The following SLC39A12 variants were observed in gnomAD, a reference collection of about 807,000 sequenced individuals.
The protein encoded by SLC39A12 is zinc transporter ZIP12.
Under a neutral mutation model 71.1 loss-of-function variants are expected in SLC39A12, and 63 were observed. The observed-to-expected ratio is 0.89, with a 90% confidence interval of 0.72 to 1.09. The LOEUF is 1.09. Ranked by LOEUF, SLC39A12 falls within the 50% of genes least tolerant of loss-of-function variation. The probability of loss-of-function intolerance (pLI) is 0.00; values close to 1 mark genes in which losing one functional copy is unlikely to be tolerated. For missense variants in SLC39A12, 892 were observed against 812.6 expected (o/e 1.10, Z -1.19); for synonymous variants, 351 against 301.3 (o/e 1.16, Z -1.71).
intron 12 of SLC39A12, among the ~76,000 whole-genome samples, chr10:18,019,627 A>G (rs11492528): frequency 1.3e-5 from 2 of 151,694 alleles, no homozygotes; most frequent in African/African-American, 4.8e-5. Context: ...TTCATTCGAA[A>G]CTTTTTTAGT....
chr10:17,972,431 G>T (rs1293968908), intron 4 of SLC39A12, among the ~76,000 whole-genome samples: 1 of 152,142 alleles, frequency 6.6e-6, no homozygotes, highest in African/African-American at 2.4e-5. Flanking sequence ...TGACAGTGGG[G>T]TGTTGAAGTC....
chr10:17,986,905 T>TAC (rs1433842521), intron 6 of SLC39A12, among the ~76,000 whole-genome samples: 2 of 152,132 alleles, frequency 1.3e-5, no homozygotes, highest in Non-Finnish European at 2.9e-5. Flanking sequence ...CTCGAGGGTC[T>TAC]GATGTGGGAA....
Position 17,989,693 on chromosome 10 carries a change from C to A in SLC39A12, c.1270-1458C>A, listed in dbSNP as rs565401871. Among the ~76,000 whole-genome samples the A allele has an allele frequency of 2.0e-5, 3 of 152,086 alleles. No individual in the cohort carries two copies. The South Asian group carries it at 6.2e-4, about 32-fold the overall frequency. ...CAGCACTTTGGGAGGGCAAGACAGG[C>A]GGATCACCTGAGGTCAGGAGTTTGA... is the stretch of plus-strand genomic sequence containing the variant. On this transcript the variant is annotated intron_variant, in intron 7 of 12. Coordinates refer to ENST00000377369, the MANE Select transcript of SLC39A12 (RefSeq NM_001145195.2).
intron 12 of SLC39A12, among the ~76,000 whole-genome samples, chr10:18,027,103 G>A (rs987240423): frequency 6.6e-6 from 1 of 152,178 alleles, no homozygotes; most frequent in Non-Finnish European, 1.5e-5. Flanking sequence ...TGTACTGAGT[G>A]AACAGAATTG....
intron 10 of SLC39A12, among the ~76,000 whole-genome samples, chr10:17,997,579 C>T (rs541940018): frequency 2.6e-5 from 4 of 152,156 alleles, no homozygotes; most frequent in East Asian, 1.9e-4. Flanking sequence ...TAGGGAGTAA[C>T]GATGGTCTTC....
At chr10:17,998,316 A>G (rs1392870714) in intron 10 of SLC39A12, among the ~76,000 whole-genome samples, 1 of 152,244 alleles carries the variant, frequency 6.6e-6, no homozygotes, top group African/African-American at 2.4e-5. Flanking sequence ...ATTGGCTAAA[A>G]ATCCTCCTTT....
chr10:17,961,509 TG>T, intron 2 of SLC39A12, 71 bp from the exon 3 acceptor site: 1 of 1,402,238 alleles, frequency 7.1e-7, no homozygotes, highest in Non-Finnish European at 9.7e-7. Flanking sequence ...AAGACCCTGG[TG>T]GTCATTAGTG....
Position 17,991,262 on chromosome 10 carries a change from A to T in SLC39A12, c.1381A>T (p.Ile461Leu). ...LIGGIHGFFL[I>L]EKCFILLVSP... ...TGGAGGCATCCATGGATTTTTCTTG[A>T]TAGAAAAATGTTTTATTCTTCTTGT... Residue 461 changes from isoleucine (I) to leucine (L), a missense_variant, in exon 8 of 13, where the codon ATA (isoleucine) becomes TTA (leucine). Physicochemically the swap from Ile to Leu is conservative, Grantham distance 5. Transcript: ENST00000377369. The T allele has an allele frequency of 1.9e-6, 3 of 1,598,386 alleles. No individual in the cohort carries two copies. The highest frequency in any genetic ancestry group is 2.6e-6 in the Non-Finnish European group (3 of 1,174,938).
At chr10:17,973,251 TC>T (rs1342858759) in intron 4 of SLC39A12, among the ~76,000 whole-genome samples, 1 of 152,180 alleles carries the variant, frequency 6.6e-6, no homozygotes, top group Non-Finnish European at 1.5e-5. Flanking sequence ...TATTTAGTCT[TC>T]CTACTTAGGA....
At chr10:17,989,574 A>G (rs927101970) in intron 7 of SLC39A12, among the ~76,000 whole-genome samples, 3 of 151,078 alleles carry the variant, frequency 2.0e-5, no homozygotes, top group Non-Finnish European at 4.4e-5. Context: ...AGAACTTCAG[A>G]GATTAGCTGG....
intron 2 of SLC39A12, among the ~76,000 whole-genome samples, chr10:17,959,902 G>A (rs1348567330): frequency 2.6e-5 from 4 of 152,182 alleles, no homozygotes; most frequent in African/African-American, 9.7e-5. Context: ...AAATTCTGTA[G>A]CTGGGGCTTG....
rs939178006 is a variant in SLC39A12 at position 18,043,050 on chromosome 10, A to G, written c.*217A>G. On this transcript the variant is annotated 3_prime_UTR_variant, in exon 13 of 13. Coordinates refer to ENST00000377369, the MANE Select transcript of SLC39A12 (RefSeq NM_001145195.2). Reference sequence around the variant, plus strand: ...ATTGAAATTTTGTCTTTGGTTTCCAACACCATGATGAAGCTCTTGCTTTTT... The same window carrying G: ...ATTGAAATTTTGTCTTTGGTTTCCAGCACCATGATGAAGCTCTTGCTTTTT... 14 of 276,982 alleles carry G rather than the reference A, an allele frequency of 5.1e-5. No homozygotes were observed. The highest frequency in any genetic ancestry group is 2.9e-4 in the African/African-American group (13 of 45,332). The allele number at this position is 276,982 out of a possible 1,614,324, so 17.2% of individuals were successfully genotyped here.
At chr10:17,955,199 C>A (rs1554847640) in intron 2 of SLC39A12, among the ~76,000 whole-genome samples, 2 of 152,080 alleles carry the variant, frequency 1.3e-5, no homozygotes, top group East Asian at 3.8e-4. Context: ...ATTTTCAGGG[C>A]TGGGGGAAGG....
At chr10:18,026,685 G>T (rs1836687049) in intron 12 of SLC39A12, among the ~76,000 whole-genome samples, 1 of 151,614 alleles carries the variant, frequency 6.6e-6, no homozygotes, top group Admixed American at 6.6e-5. Flanking sequence ...ATAGTTCTTG[G>T]ATATTCTCTT....
At chr10:17,979,125 TA>T (rs1835190778) in intron 5 of SLC39A12, among the ~76,000 whole-genome samples, 1 of 152,162 alleles carries the variant, frequency 6.6e-6, no homozygotes, top group South Asian at 2.1e-4. Flanking sequence ...CAAAATTACA[TA>T]GGAAGGAATA....
intron 3 of SLC39A12, among the ~76,000 whole-genome samples, chr10:17,963,156 A>G (rs578183546): frequency 7.0e-4 from 106 of 152,132 alleles, no homozygotes; most frequent in African/African-American, 2.3e-3. Context: ...AAGAGACCCT[A>G]TCTCTAAAAG....
chr10:18,031,358 T>C (rs1468311076), intron 12 of SLC39A12, among the ~76,000 whole-genome samples: 7 of 141,250 alleles, frequency 5.0e-5, no homozygotes, highest in Non-Finnish European at 7.8e-5. Context: ...TGTGAGATGG[T>C]ATCTCATAGT....
chr10:18,036,794 A>T (rs4364957), intron 12 of SLC39A12, among the ~76,000 whole-genome samples: 76,872 of 92,910 alleles, frequency 0.83, 31,266 homozygotes, highest in Middle Eastern at 0.9. Flanking sequence ...ATATATATAT[A>T]TTTTTTTTTT....
At chr10:18,023,932 A>G (rs1433372494) in intron 12 of SLC39A12, among the ~76,000 whole-genome samples, 2 of 152,124 alleles carry the variant, frequency 1.3e-5, no homozygotes, top group African/African-American at 2.4e-5. Context: ...CCACTTTTCC[A>G]TAAGGCAACT....
Sources: gnomAD v4.1 joint callset for allele counts (sites outside exome capture counted in the v4.1 genomes callset) on GRCh38, gnomAD v4.1.1 for gene constraint, MANE v1.5 for transcripts, NCBI Gene and HGNC (gene_info 2026-07-23, HGNC 2026-07-21) for gene names.